Variants in DTD1 observed in about 807,000 individuals in gnomAD.
DTD1 encodes the protein D-aminoacyl-tRNA deacylase 1.
In DTD1, 13 loss-of-function variants were observed where a neutral mutation model predicts 25.6. The observed-to-expected ratio is 0.51, with a 90% CI of 0.33 to 0.81. The LOEUF (loss-of-function observed/expected upper bound fraction) is 0.81, where lower values mean the gene tolerates loss of function less well. Ranked by LOEUF, DTD1 falls within the 30% of genes least tolerant of loss-of-function variation. DTD1 has a pLI of 0.02. For synonymous variants in DTD1, 110 were observed against 103.6 expected, an observed-to-expected ratio of 1.06 and a Z score of -0.37; for missense variants, 193 against 266.4, an observed-to-expected ratio of 0.72 and a Z score of 1.92.
chr20:18,648,197 A>T (rs547996344), intron 4 of DTD1, among the ~76,000 whole-genome samples: 1 of 152,202 alleles, frequency 6.6e-6, no homozygotes, highest in Admixed American at 6.5e-5. Context: ...TGGGAGGCCA[A>T]CTGCAGGATC....
intron 5 of DTD1, among the ~76,000 whole-genome samples, chr20:18,746,534 TA>T (rs200602148): frequency 2.0e-4 from 29 of 144,178 alleles, no homozygotes; most frequent in East Asian, 8.3e-4. Flanking sequence ...CCCCGTCTCT[TA>T]AAAAAAAAAA....
At chr20:18,708,244 A>ATATATATATTTTATAT (rs370120832) in intron 4 of DTD1, among the ~76,000 whole-genome samples, 2 of 41,422 alleles carry the variant, frequency 4.8e-5, no homozygotes, top group African/African-American at 1.3e-4. Flanking sequence ...ATATATATAT[A>ATATATATATTTTATAT]ATATATATTA....
chr20:18,598,799 G>A (rs2060622389), intron 3 of DTD1, among the ~76,000 whole-genome samples: 2 of 151,022 alleles, frequency 1.3e-5, no homozygotes, highest in South Asian at 2.1e-4. Flanking sequence ...GTGAGCCACC[G>A]CGCCCGGCCA....
At chr20:18,680,159 C>G (rs1265877997) in intron 4 of DTD1, among the ~76,000 whole-genome samples, 1 of 152,024 alleles carries the variant, frequency 6.6e-6, no homozygotes, top group Non-Finnish European at 1.5e-5. Context: ...CTGGTGAGAA[C>G]TCATTTCTAA....
At chr20:18,665,798 G>A (rs192893259) in intron 4 of DTD1, among the ~76,000 whole-genome samples, 23 of 152,120 alleles carry the variant, frequency 1.5e-4, no homozygotes, top group African/African-American at 3.1e-4. Context: ...TTTTTCTCTC[G>A]CATGTTACAC....
chr20:18,723,657 CTGTT>C (rs2061213485), intron 4 of DTD1, among the ~76,000 whole-genome samples: 1 of 152,160 alleles, frequency 6.6e-6, no homozygotes, highest in Non-Finnish European at 1.5e-5. Flanking sequence ...GTATAATAGT[CTGTT>C]TGAGAATTAT....
At position 18,749,290 on chromosome 20, in the gene DTD1, C is replaced by T. The variant is rs1000367709; in HGVS notation, c.*19+5019C>T. On this transcript the variant is annotated intron_variant, in intron 5 of 5. Transcript: ENST00000377452. This position sits in a 1 kb window ranked among gnomAD's most constrained non-coding sequence, Gnocchi z 4.2. Reference sequence around the variant, plus strand: ...TGCAGCCCAGTGAGGTAGCAAGACACGGTCAGGCCTCAGGGCCTGTGAGAG... The same window carrying T: ...TGCAGCCCAGTGAGGTAGCAAGACATGGTCAGGCCTCAGGGCCTGTGAGAG... 2.0e-5 allele frequency among the ~76,000 whole-genome samples: 3 copies of T among 152,200 alleles called. No homozygotes were observed. The highest frequency in any genetic ancestry group is 4.4e-5 in the Non-Finnish European group (3 of 68,038).
chr20:18,758,222 G>C (rs1406457388), intron 5 of DTD1, among the ~76,000 whole-genome samples: 1 of 152,006 alleles, frequency 6.6e-6, no homozygotes, highest in Non-Finnish European at 1.5e-5. Context: ...CAAAAAACCA[G>C]CTCCTGGATT....
chr20:18,648,057 C>T (rs1194030246), intron 4 of DTD1, among the ~76,000 whole-genome samples: 1 of 152,196 alleles, frequency 6.6e-6, no homozygotes, highest in Admixed American at 6.5e-5. Context: ...CTGATCCCTT[C>T]TCTTTGGTGC....
rs778816901 is a variant in DTD1, at chr20:18,744,086, T to A, written c.478-14T>A. ...GTGTTTGTAAAATATTCTTTTTTATTTTTATTTAATCAGCTGTCAAAGCTC... is the reference window on the plus strand; with the variant it reads ...GTGTTTGTAAAATATTCTTTTTTATATTTATTTAATCAGCTGTCAAAGCTC... On this transcript the variant is annotated splice_polypyrimidine_tract_variant and intron_variant, in intron 4 of 5. Transcript: ENST00000377452. The A allele has an allele frequency of 4.3e-5, 67 of 1,563,210 alleles. No individual in the cohort carries two copies. The African/African-American group carries it at 8.1e-4, about 19-fold the overall frequency.
At chr20:18,610,202 C>T (rs75527016) in intron 3 of DTD1, among the ~76,000 whole-genome samples, 67 of 152,262 alleles carry the variant, frequency 4.4e-4, no homozygotes, top group African/African-American at 1.5e-3. Flanking sequence ...TTTCAGTCTG[C>T]GTTTTTAAAG....
intron 4 of DTD1, among the ~76,000 whole-genome samples, chr20:18,688,353 T>A (rs901682035): frequency 6.6e-6 from 1 of 152,180 alleles, no homozygotes; most frequent in Non-Finnish European, 1.5e-5. Context: ...GTATTAATTA[T>A]AACCTGTGAT....
chr20:18,592,225 G>C (rs140984648), intron 1 of DTD1: 1 of 152,314 alleles, frequency 6.6e-6, no homozygotes, highest in East Asian at 1.9e-4. Flanking sequence ...TAGCACATTA[G>C]GTCAGTACAA....
At chr20:18,627,470 C>T (rs932309400) in intron 3 of DTD1, among the ~76,000 whole-genome samples, 1 of 152,218 alleles carries the variant, frequency 6.6e-6, no homozygotes, top group Non-Finnish European at 1.5e-5. Context: ...CATGTACAGT[C>T]CCGGTAACCC....
chr20:18,595,470 A>G (rs1303330098), intron 2 of DTD1, among the ~76,000 whole-genome samples: 1 of 152,178 alleles, frequency 6.6e-6, no homozygotes, highest in East Asian at 1.9e-4. Context: ...GGGTTTCTCT[A>G]TGTTGGCTAG....
intron 4 of DTD1, among the ~76,000 whole-genome samples, chr20:18,644,798 C>G (rs1004955900): frequency 2.0e-5 from 3 of 152,128 alleles, no homozygotes; most frequent in Middle Eastern, 6.8e-3. Flanking sequence ...TTAGGCAAAT[C>G]AAGGGAAGGA....
chr20:18,688,421 G>A lies in DTD1; in HGVS notation c.478-55679G>A, dbSNP rs558855465. 4.6e-5 allele frequency among the ~76,000 whole-genome samples: 7 copies of A among 152,272 alleles called. No homozygotes were observed. The South Asian group carries it at 1.2e-3, about 27-fold the overall frequency. On this transcript the variant is annotated intron_variant, in intron 4 of 5. Transcript: ENST00000377452. ...AGGAGTGTGAACCTAGATTCATGCA[G>A]GGTACAGGAACTCTTCCCTGAGGAA...
chr20:18,708,123 G>A (rs1201528268), intron 4 of DTD1, among the ~76,000 whole-genome samples: 1 of 141,298 alleles, frequency 7.1e-6, no homozygotes, highest in Admixed American at 7.7e-5. Context: ...CAAAGATGTA[G>A]TATATAAAGA....
intron 3 of DTD1, among the ~76,000 whole-genome samples, chr20:18,607,592 T>C (rs139772106): frequency 6.6e-6 from 1 of 152,338 alleles, no homozygotes; most frequent in East Asian, 1.9e-4. Flanking sequence ...ATTCCTTAAA[T>C]GTTTGATAGA....
Sources: allele counts gnomAD v4.1 joint callset (sites outside exome capture counted in the v4.1 genomes callset), GRCh38; gene constraint gnomAD v4.1.1; non-coding constraint Gnocchi (gnomAD v3.1); transcripts MANE v1.5; gene names NCBI Gene and HGNC (gene_info 2026-07-23, HGNC 2026-07-21).